Variants in THSD7B observed in about 807,000 individuals in gnomAD.
The protein encoded by THSD7B is thrombospondin type-1 domain-containing protein 7B.
In THSD7B, 138 loss-of-function variants were observed where a neutral mutation model predicts 213.6. The observed-to-expected ratio is 0.65, with a 90% CI of 0.56 to 0.74. THSD7B has a LOEUF of 0.74. Among genes scored for constraint, THSD7B ranks in the 30% least tolerant of loss-of-function variants. The pLI is 0.00. For missense variants in THSD7B, 1,931 were observed against 1,991.5 expected, an observed-to-expected ratio of 0.97 and a Z score of 0.58; for synonymous variants, 742 against 687.0, an observed-to-expected ratio of 1.08 and a Z score of -1.25.
At position 137,572,467 on chromosome 2, in the gene THSD7B, G is replaced by T. The variant is rs1279062567; in HGVS notation, c.3334G>T (p.Glu1112Ter). 1 of 1,613,952 alleles carries T rather than the reference G, an allele frequency of 6.2e-7. No individual in the cohort carries two copies. The highest frequency in any genetic ancestry group is 1.1e-5 in the South Asian group (1 of 91,072). Reference protein sequence around the residue: ...AVDSNLCNQDEIPPETQSCSL... With the variant: ...AVDSNLCNQD ...GGATAGCAACCTGTGCAACCAGGATGAAATTCCCCCAGAAACCCAGTCCTG... is the reference window on the plus strand; with the variant it reads ...GGATAGCAACCTGTGCAACCAGGATTAAATTCCCCCAGAAACCCAGTCCTG... Residue 1112 changes from glutamate to a stop codon, truncating the protein, a stop_gained, in exon 17 of 28, where the codon GAA becomes TAA. Coordinates refer to ENST00000409968, the MANE Select transcript of THSD7B (RefSeq NM_001316349.2). LOFTEE classifies it high-confidence loss of function.
At chr2:137,653,609 C>T (rs1683177867) in intron 21 of THSD7B, among the ~76,000 whole-genome samples, 1 of 149,516 alleles carries the variant, frequency 6.7e-6, no homozygotes. Context: ...AGGCAGTCTT[C>T]ATTCCCTTTC....
At chr2:137,559,101 G>T (rs1463059956) in intron 15 of THSD7B, among the ~76,000 whole-genome samples, 1 of 152,180 alleles carries the variant, frequency 6.6e-6, no homozygotes, top group African/African-American at 2.4e-5. Flanking sequence ...CAAGCTCATG[G>T]ATAGGAAGAA....
chr2:137,397,525 A>C (rs1222252411), intron 12 of THSD7B, among the ~76,000 whole-genome samples: 1 of 151,670 alleles, frequency 6.6e-6, no homozygotes, highest in Non-Finnish European at 1.5e-5. Context: ...GGTTTCTGCC[A>C]AGAGATCCGC....
chr2:137,656,880 G>A lies in THSD7B; in HGVS notation c.4190G>A (p.Arg1397His), dbSNP rs565075278. The change falls in exon 23 of 28, where the codon CGC (arginine) becomes CAC (histidine). Residue 1397 changes from arginine to histidine, a missense_variant. Arg to His is a conservative substitution (Grantham distance 29, BLOSUM62 0). Transcript: ENST00000409968. Reference protein sequence around the residue: ...IDGRSFETVGRQSRSRTFIIQ... With the variant: ...IDGRSFETVGHQSRSRTFIIQ... ...GGAAGAAGCTTTGAGACTGTGGGCC[G>A]CCAGTCTAGATCAAGGACTTTTATA... 123 of 1,613,958 alleles carry A rather than the reference G, an allele frequency of 7.6e-5. 3 individuals carry two copies. Among genetic ancestry groups the A allele is most frequent in the South Asian group, 6.3e-4 (57 of 91,080 alleles).
At chr2:136,994,767 A>G (rs920858800) in intron 2 of THSD7B, among the ~76,000 whole-genome samples, 4 of 152,234 alleles carry the variant, frequency 2.6e-5, no homozygotes, top group African/African-American at 4.8e-5. Context: ...AATAATAAGC[A>G]TCAATACTAA....
At chr2:137,133,769 C>A (rs974715736) in intron 5 of THSD7B, among the ~76,000 whole-genome samples, 6 of 152,132 alleles carry the variant, frequency 3.9e-5, no homozygotes, top group Non-Finnish European at 5.9e-5. Context: ...ATCCAAAGGA[C>A]TATCATTTCA....
intron 1 of THSD7B, among the ~76,000 whole-genome samples, chr2:136,807,334 C>T (rs1179909910): frequency 6.6e-6 from 1 of 152,082 alleles, no homozygotes; most frequent in Non-Finnish European, 1.5e-5. Context: ...AGCATGGACT[C>T]ATGAATATCT....
At chr2:137,084,105 A>T (rs1014638208) in intron 3 of THSD7B, among the ~76,000 whole-genome samples, 1 of 152,116 alleles carries the variant, frequency 6.6e-6, no homozygotes, top group Admixed American at 6.6e-5. Flanking sequence ...TTCAGGGTAG[A>T]TTAGCTCTCT....
At chr2:137,595,914 A>G (rs1328282709) in intron 17 of THSD7B, among the ~76,000 whole-genome samples, 1 of 151,952 alleles carries the variant, frequency 6.6e-6, no homozygotes, top group African/African-American at 2.4e-5. Context: ...GAGCTCATAA[A>G]TTGCTCAATA....
intron 20 of THSD7B, among the ~76,000 whole-genome samples, chr2:137,636,797 A>G (rs1403823228): frequency 6.6e-6 from 1 of 152,202 alleles, no homozygotes; most frequent in Non-Finnish European, 1.5e-5. Flanking sequence ...CCAACTAGAA[A>G]CTTTTAATGC....
chr2:137,303,725 TA>T (rs1402641740), intron 12 of THSD7B, among the ~76,000 whole-genome samples: 4 of 138,516 alleles, frequency 2.9e-5, no homozygotes, highest in African/African-American at 8.6e-5. Context: ...TTTATATATA[TA>T]TTTATATATA....
chr2:137,620,827 A>C (rs1203578127), intron 20 of THSD7B, 101 bp downstream of exon 20: 2 of 964,956 alleles, frequency 2.1e-6, no homozygotes, highest in Admixed American at 2.2e-5. Context: ...GACCCAGCTG[A>C]AGTCAATATG....
chr2:137,384,684 G>T (rs891554836), intron 12 of THSD7B, among the ~76,000 whole-genome samples: 1 of 152,178 alleles, frequency 6.6e-6, no homozygotes, highest in Non-Finnish European at 1.5e-5. Flanking sequence ...TCATCTTACA[G>T]TCGTGGCCTA....
chr2:137,236,541 G>A (rs543435036), intron 9 of THSD7B, among the ~76,000 whole-genome samples: 4 of 152,148 alleles, frequency 2.6e-5, no homozygotes, highest in Non-Finnish European at 5.9e-5. Flanking sequence ...AAAAAATAAT[G>A]ATAATAAAGA....
intron 15 of THSD7B, among the ~76,000 whole-genome samples, chr2:137,458,708 T>A (rs1311592220): frequency 6.6e-6 from 1 of 152,128 alleles, no homozygotes; most frequent in African/African-American, 2.4e-5. Flanking sequence ...CAATATAAAA[T>A]TTTTCCTCAA....
At chr2:137,054,852 T>C (rs1687131511) in intron 2 of THSD7B, among the ~76,000 whole-genome samples, 1 of 152,084 alleles carries the variant, frequency 6.6e-6, no homozygotes, top group East Asian at 1.9e-4. Context: ...CCATGGTGGT[T>C]TGCTGCACCT....
At chr2:137,091,024 T>G (rs1477980890) in intron 3 of THSD7B, among the ~76,000 whole-genome samples, 1 of 152,328 alleles carries the variant, frequency 6.6e-6, no homozygotes, top group Admixed American at 6.5e-5. Flanking sequence ...TGTTACCTTT[T>G]ATTATTATTG....
At position 137,458,546 on chromosome 2, in the gene THSD7B, C is replaced by T. The variant is rs147460905; in HGVS notation, c.3138+7523C>T. Among the ~76,000 whole-genome samples the T allele has an allele frequency of 1.3e-3, 195 of 152,210 alleles. 2 individuals are homozygous for T. The highest frequency in any genetic ancestry group is 4.0e-3 in the African/African-American group (166 of 41,522). Reference sequence around the variant, plus strand: ...GCTTTTGTCTTGCAGCTAATCTGGACGCAATAGTTTTGGCACCCATCAAGC... The same window carrying T: ...GCTTTTGTCTTGCAGCTAATCTGGATGCAATAGTTTTGGCACCCATCAAGC... On this transcript the variant is annotated intron_variant, in intron 15 of 27. Transcript: ENST00000409968.
chr2:137,066,939 C>T (rs1339961007), intron 3 of THSD7B, among the ~76,000 whole-genome samples: 1 of 152,056 alleles, frequency 6.6e-6, no homozygotes, highest in East Asian at 1.9e-4. Flanking sequence ...TTTCATCAAG[C>T]TCACTGATTT....
Sources: gnomAD v4.1 joint callset for allele counts (sites outside exome capture counted in the v4.1 genomes callset) on GRCh38, gnomAD v4.1.1 for gene constraint, MANE v1.5 for transcripts, NCBI Gene and HGNC (gene_info 2026-07-23, HGNC 2026-07-21) for gene names.